LYZL4: variants seen among roughly 807,000 people sequenced by gnomAD.
The protein encoded by LYZL4 is lysozyme-like protein 4.
Under a neutral mutation model 17.6 loss-of-function variants are expected in LYZL4, and 13 were observed. The ratio of observed to expected loss-of-function variants is 0.74; its 90% CI spans 0.48 to 1.18. LYZL4 has a LOEUF of 1.18. LYZL4 is among the 50% of genes most tolerant of loss of function. LYZL4 has a pLI of 0.00. For missense variants in LYZL4, 174 were observed against 188.2 expected (o/e 0.92, Z 0.44); for synonymous variants, 64 against 67.7 (o/e 0.95, Z 0.27).
chr3:42,369,089 G>A, the LYZL4 span, among the ~76,000 whole-genome samples: 1 of 152,214 alleles, frequency 6.6e-6, no homozygotes, highest in Non-Finnish European at 1.5e-5. Context: ...AGATTTAATT[G>A]TTTTAATAAG....
At chr3:42,387,583 G>T in the LYZL4 span, among the ~76,000 whole-genome samples, 2 of 151,834 alleles carry the variant, frequency 1.3e-5, no homozygotes, top group African/African-American at 4.8e-5. Context: ...ACCCCTCATC[G>T]CCGTCCCTGC....
At chr3:42,389,112 C>T in the LYZL4 span, among the ~76,000 whole-genome samples, 1 of 152,310 alleles carries the variant, frequency 6.6e-6, no homozygotes, top group South Asian at 2.1e-4. Context: ...TATGTCCTCC[C>T]CTGGGTGGTG....
At chr3:42,393,337 G>GCACACACACACACACACA (rs3071913), downstream of LYZL4, among the ~76,000 whole-genome samples, 1 of 148,814 alleles carries the variant, frequency 6.7e-6, no homozygotes, top group African/African-American at 2.5e-5. Context: ...GTGTGCGCGT[G>GCACACACACACACACACA]CACACACACA....
At chr3:42,381,289 A>G in the LYZL4 span, among the ~76,000 whole-genome samples, 12 of 142,748 alleles carry the variant, frequency 8.4e-5, no homozygotes, top group African/African-American at 3.0e-4. Context: ...TGCCTATACC[A>G]AGACCTGCAT....
intron 4 of LYZL4, among the ~76,000 whole-genome samples, chr3:42,401,476 A>T (rs1223509979): frequency 6.6e-6 from 1 of 152,168 alleles, no homozygotes; most frequent in African/African-American, 2.4e-5. Context: ...TCAGCCTCCC[A>T]AAGTGCTGGG....
At chr3:42,376,403 G>A in the LYZL4 span, among the ~76,000 whole-genome samples, 1 of 152,168 alleles carries the variant, frequency 6.6e-6, no homozygotes, top group Non-Finnish European at 1.5e-5. Flanking sequence ...TGGGTAGGAA[G>A]CCACTCTGGG....
the LYZL4 span, among the ~76,000 whole-genome samples, chr3:42,371,150 A>G: frequency 1.3e-5 from 2 of 152,084 alleles, no homozygotes. Context: ...CCCCTCTGTA[A>G]TACTGGATGC....
chr3:42,384,290 C>G, the LYZL4 span, among the ~76,000 whole-genome samples: 1 of 152,166 alleles, frequency 6.6e-6, no homozygotes, highest in Admixed American at 6.5e-5. Flanking sequence ...GAGTCCCTTG[C>G]ACTCTTTCTA....
At chr3:42,406,480 A>G (rs1329664129) in intron 3 of LYZL4, among the ~76,000 whole-genome samples, 1 of 148,190 alleles carries the variant, frequency 6.7e-6, no homozygotes, top group Admixed American at 6.7e-5. Context: ...AAAAAAAAAA[A>G]GAAAGAAAGA....
the LYZL4 span, among the ~76,000 whole-genome samples, chr3:42,385,110 GATA>G: frequency 6.6e-6 from 1 of 151,488 alleles, no homozygotes; most frequent in Non-Finnish European, 1.5e-5. Context: ...TTTTTCCTGT[GATA>G]ATTACTTTAA....
At chr3:42,369,881 G>A in the LYZL4 span, among the ~76,000 whole-genome samples, 1 of 152,138 alleles carries the variant, frequency 6.6e-6, no homozygotes, top group African/African-American at 2.4e-5. Flanking sequence ...TTTATCACCT[G>A]GGTCTGAGCA....
In LYZL4 at chr3:42,397,229, T is replaced by C. The variant is rs1271189342; in HGVS notation, c.*36A>G. On this transcript the variant is annotated 3_prime_UTR_variant, in exon 5 of 5. Transcript: ENST00000287748. ...CAGAAAAGCACCTTCATTCACAAGATGCAACTGGTGAGTGCTGCAGGGGCC... is the reference window on the plus strand; with the variant it reads ...CAGAAAAGCACCTTCATTCACAAGACGCAACTGGTGAGTGCTGCAGGGGCC... 4.2e-6 allele frequency: 6 copies of C among 1,433,976 alleles called. No homozygotes were observed. The highest frequency in any genetic ancestry group is 3.8e-6 in the Non-Finnish European group (4 of 1,043,236). 88.8% of individuals were successfully genotyped at this position (1,433,976 alleles called of 1,614,324 possible).
At chr3:42,403,966 G>T in intron 4 of LYZL4, 80 bp downstream of exon 4, 1 of 1,075,600 alleles carries the variant, frequency 9.3e-7, no homozygotes, top group Non-Finnish European at 1.4e-6. Flanking sequence ...GTGCGCAACA[G>T]CCAAGATTTA....
chr3:42,386,287 G>T, the LYZL4 span, among the ~76,000 whole-genome samples: 1 of 151,796 alleles, frequency 6.6e-6, no homozygotes, highest in African/African-American at 2.4e-5. Context: ...ATTTTTAGTA[G>T]GGGCGGGGTT....
chr3:42,408,716 C>A (rs1698809427), intron 1 of LYZL4, among the ~76,000 whole-genome samples: 1 of 152,198 alleles, frequency 6.6e-6, no homozygotes, highest in African/African-American at 2.4e-5. Context: ...TTGCACCCTC[C>A]TGTTTGTCAC....
At chr3:42,387,475 G>A in the LYZL4 span, among the ~76,000 whole-genome samples, 8 of 152,160 alleles carry the variant, frequency 5.3e-5, no homozygotes, top group Non-Finnish European at 1.2e-4. Context: ...GCGAAACACA[G>A]ATCTCACCCA....
chr3:42,378,041 TG>T, the LYZL4 span, among the ~76,000 whole-genome samples: 1 of 152,160 alleles, frequency 6.6e-6, no homozygotes, highest in Non-Finnish European at 1.5e-5. Context: ...GGGGTGGGTA[TG>T]TTTTTTGTAG....
chr3:42,375,897 T>C, the LYZL4 span, among the ~76,000 whole-genome samples: 6 of 152,300 alleles, frequency 3.9e-5, no homozygotes, highest in South Asian at 4.1e-4. Flanking sequence ...TTGGGAAATA[T>C]ACTAGTACTT....
At chr3:42,394,899 C>T (rs951100141), downstream of LYZL4, among the ~76,000 whole-genome samples, 9 of 152,176 alleles carry the variant, frequency 5.9e-5, no homozygotes, top group Non-Finnish European at 8.8e-5. Context: ...GTTATTAATT[C>T]TGGGTTAAGA....
Sources: allele counts gnomAD v4.1 joint callset (sites outside exome capture counted in the v4.1 genomes callset), GRCh38; gene constraint gnomAD v4.1.1; transcripts MANE v1.5; gene names NCBI Gene and HGNC (gene_info 2026-07-23, HGNC 2026-07-21).